The following USP3 variants were observed in gnomAD, a reference collection of about 807,000 sequenced individuals.
USP3 encodes ubiquitin specific peptidase 3.
USP3 carries 20 observed loss-of-function variants against 72.3 expected under a neutral mutation model. The observed-to-expected ratio is 0.28, with a 90% CI of 0.19 to 0.40. USP3 has a LOEUF of 0.40. Among genes scored for constraint, USP3 ranks in the 10% least tolerant of loss-of-function variants. The pLI, the probability that USP3 is intolerant of heterozygous loss-of-function variation, is 1.00. For missense variants in USP3, 479 were observed against 633.9 expected (o/e 0.76, Z 2.62); for synonymous variants, 222 against 225.3 (o/e 0.99, Z 0.13).
chr15:63,513,453 C>G (rs1444169732), intron 1 of USP3, among the ~76,000 whole-genome samples: 1 of 152,138 alleles, frequency 6.6e-6, no homozygotes, highest in Non-Finnish European at 1.5e-5. Context: ...AGTCATAGCT[C>G]GTTACAGCCT....
chr15:63,542,119 C>G, intron 3 of USP3: 1 of 984,716 alleles, frequency 1.0e-6, no homozygotes. Flanking sequence ...ATGTGGAAGT[C>G]ATGACTTGAG....
intron 1 of USP3, among the ~76,000 whole-genome samples, chr15:63,525,199 T>C (rs912539434): frequency 2.0e-5 from 3 of 152,216 alleles, no homozygotes; most frequent in African/African-American, 7.2e-5. Context: ...TTATCTTTCC[T>C]GCCTTGGACC....
chr15:63,578,528 T>G (rs1595767712), intron 11 of USP3, among the ~76,000 whole-genome samples: 1 of 141,418 alleles, frequency 7.1e-6, no homozygotes, highest in Non-Finnish European at 1.5e-5. Context: ...AGGAGAATGG[T>G]GTGAACCCGG....
At chr15:63,506,996 GT>G (rs1471870434) in intron 1 of USP3, among the ~76,000 whole-genome samples, 1 of 152,104 alleles carries the variant, frequency 6.6e-6, no homozygotes, top group African/African-American at 2.4e-5. Context: ...CGTGCCTGTC[GT>G]TTCAGTGATT....
intron 4 of USP3, chr15:63,556,229 C>G (rs185759472): frequency 1.2e-4 from 18 of 153,506 alleles, no homozygotes; most frequent in Middle Eastern, 6.8e-3. Flanking sequence ...TCTATTAAGA[C>G]AAATGAGCAA....
intron 8 of USP3, among the ~76,000 whole-genome samples, chr15:63,569,123 TGTAA>T (rs939803353): frequency 7.2e-5 from 11 of 152,304 alleles, no homozygotes; most frequent in African/African-American, 2.6e-4. Flanking sequence ...GAAATTTTTT[TGTAA>T]GTGATAGAAT....
intron 11 of USP3, among the ~76,000 whole-genome samples, chr15:63,581,341 G>A (rs2066954251): frequency 7.4e-6 from 1 of 135,654 alleles, no homozygotes; most frequent in Admixed American, 7.7e-5. Flanking sequence ...GTTTGTGTTG[G>A]TTTTTGTGTG....
Position 63,528,427 on chromosome 15 carries a change from G to A in USP3, c.92-4220G>A, listed in dbSNP as rs2066017109. 2.0e-5 allele frequency among the ~76,000 whole-genome samples: 3 copies of A among 152,064 alleles called. No individual in the cohort carries two copies. The South Asian group carries it at 6.2e-4, about 32-fold the overall frequency. On this transcript the variant is annotated intron_variant, in intron 1 of 14. Transcript: ENST00000380324. The surrounding 1 kb of genome is among the most constrained non-coding windows in gnomAD (Gnocchi z 4.3). ...GACTTAACTTTTTAAGCCTTCACAAGTGTCTATCCTTATCACCCTTTCTCT... is the reference window on the plus strand; with the variant it reads ...GACTTAACTTTTTAAGCCTTCACAAATGTCTATCCTTATCACCCTTTCTCT...
At position 63,590,915 on chromosome 15, in the gene USP3, T is replaced by G; in HGVS notation, c.*89T>G. 7.0e-7 allele frequency: 1 copy of G among 1,419,346 alleles called. No individual in the cohort carries two copies. The highest frequency in any genetic ancestry group is 1.4e-5 in the African/African-American group (1 of 69,034). The allele number at this position is 1,419,346 out of a possible 1,614,324, so 87.9% of individuals were successfully genotyped here. ...CTTGATACAAGATTTAATTTCATTA[T>G]GCACTTTTCAATTTCCTATTTTGGA... is the stretch of plus-strand genomic sequence containing the variant. On this transcript the variant is annotated 3_prime_UTR_variant, in exon 15 of 15. Coordinates refer to ENST00000380324, the MANE Select transcript of USP3 (RefSeq NM_006537.4).
intron 3 of USP3, among the ~76,000 whole-genome samples, chr15:63,539,683 C>T (rs1455848429): frequency 6.6e-6 from 1 of 152,162 alleles, no homozygotes; most frequent in Non-Finnish European, 1.5e-5. Context: ...ATGGAGTCTT[C>T]TTGGCCGATT....
In USP3 at chr15:63,570,330, G is replaced by GC. The variant is rs1203949656; in HGVS notation, c.762-102dup. On this transcript the variant is annotated intron_variant, in intron 8 of 14. Transcript: ENST00000380324. The surrounding 1 kb of genome is among the most constrained non-coding windows in gnomAD (Gnocchi z 4.4). ...TGAGGAAGCCTGGCTGTGCTTGTGA[G>GC]CACGGGGCTGCCGTCCTTTTCCACG... 13 of 1,480,244 alleles carry GC rather than the reference G, an allele frequency of 8.8e-6. No homozygotes were observed. Among genetic ancestry groups the GC allele is most frequent in the African/African-American group, 1.4e-5 (1 of 71,646 alleles). 91.7% of individuals were successfully genotyped at this position (1,480,244 alleles called of 1,614,324 possible).
At chr15:63,584,423 T>G (rs2067021725) in intron 11 of USP3, among the ~76,000 whole-genome samples, 1 of 152,162 alleles carries the variant, frequency 6.6e-6, no homozygotes, top group African/African-American at 2.4e-5. Context: ...ATTTCTCCAC[T>G]TGCTAGCTAA....
At chr15:63,569,442 G>A (rs2066745112) in intron 8 of USP3, among the ~76,000 whole-genome samples, 1 of 152,102 alleles carries the variant, frequency 6.6e-6, no homozygotes, top group Non-Finnish European at 1.5e-5. Flanking sequence ...AGGAAAAGGG[G>A]AAAATATATA....
At position 63,547,757 on chromosome 15, in the gene USP3, GGAGGGAGAGAGAGAGA is replaced by G. The variant is rs1375361676; in HGVS notation, c.285-5954_285-5939del. 7.2e-3 allele frequency among the ~76,000 whole-genome samples: 285 copies of G among 39,636 alleles called. 25 individuals carry two copies. The highest frequency in any genetic ancestry group is 0.027 in the African/African-American group (263 of 9,686). 26.0% of individuals were successfully genotyped at this position (39,636 alleles called of 152,430 possible). On this transcript the variant is annotated intron_variant, in intron 3 of 14. Transcript: ENST00000380324. ...GAGAGAGAGAGAGGGAGGGAGGGAG[GGAGGGAGAGAGAGAGA>G]GAGAGAGAGAGAGAGAGAGAGAGAG...
intron 5 of USP3, 101 bp from the exon 6 acceptor site, chr15:63,558,005 G>T: frequency 8.8e-7 from 1 of 1,134,216 alleles, no homozygotes; most frequent in Non-Finnish European, 1.3e-6. Flanking sequence ...ATTCCAAATT[G>T]GCTTGGTGCT....
intron 1 of USP3, among the ~76,000 whole-genome samples, chr15:63,512,144 T>A (rs1433396187): frequency 6.6e-6 from 1 of 151,538 alleles, no homozygotes; most frequent in Non-Finnish European, 1.5e-5. Flanking sequence ...TTTAGTAGAG[T>A]CAGGGTTTCA....
In USP3 at chr15:63,537,113, C is replaced by T; in HGVS notation, c.241C>T (p.Gln81Ter). The change falls in exon 3 of 15, where the codon CAG (glutamine) becomes TAG (stop). Residue 81 changes from glutamine (Q) to a stop codon, truncating the protein, a stop_gained. Coordinates refer to ENST00000380324, the MANE Select transcript of USP3 (RefSeq NM_006537.4). LOFTEE classifies it high-confidence loss of function. ...HKKSEKQDKV[Q>*]HTVCMDCSSY... The stretch of plus-strand genomic sequence containing the variant: ...GAAATCAGAAAAGCAAGATAAAGTT[C>T]AGCACACAGTATGTATGGATTGCAG... The T allele has an allele frequency of 6.2e-7, 1 of 1,614,092 alleles. No homozygotes were observed. Among genetic ancestry groups the T allele is most frequent in the Non-Finnish European group, 8.5e-7 (1 of 1,179,982 alleles).
At chr15:63,550,483 C>T (rs2066420996) in intron 3 of USP3, among the ~76,000 whole-genome samples, 1 of 152,134 alleles carries the variant, frequency 6.6e-6, no homozygotes, top group South Asian at 2.1e-4. Flanking sequence ...CTGAGAGTTA[C>T]AGATGTAGAG....
At chr15:63,504,886 G>T in intron 1 of USP3, 56 bp downstream of exon 1, 1 of 1,416,918 alleles carries the variant, frequency 7.1e-7, no homozygotes, top group Admixed American at 2.6e-5. Flanking sequence ...GCTCTGCCGG[G>T]CCTGCCGTCT....
Sources: gnomAD v4.1 joint callset for allele counts (sites outside exome capture counted in the v4.1 genomes callset) on GRCh38, gnomAD v4.1.1 for gene constraint, Gnocchi (gnomAD v3.1) non-coding constraint, MANE v1.5 for transcripts, NCBI Gene and HGNC (gene_info 2026-07-23, HGNC 2026-07-21) for gene names.